The following AIRE variants were observed in gnomAD, a reference collection of about 807,000 sequenced individuals.
AIRE encodes autoimmune regulator, also known as autoimmune polyendocrinopathy candidiasis ectodermal dystrophy protein.
In AIRE, 52 loss-of-function variants were observed where a neutral mutation model predicts 62.1. The ratio of observed to expected loss-of-function variants is 0.84; its 90% CI spans 0.67 to 1.06. The LOEUF (loss-of-function observed/expected upper bound fraction) is 1.06. Among genes scored for constraint, AIRE ranks in the 50% least tolerant of loss-of-function variants. The pLI, the probability that AIRE is intolerant of heterozygous loss-of-function variation, is 0.00. For missense variants in AIRE, 774 were observed against 755.8 expected, an observed-to-expected ratio of 1.02 and a Z score of -0.28; for synonymous variants, 342 against 321.6, an observed-to-expected ratio of 1.06 and a Z score of -0.68.
chr21:44,297,547 CT>C lies in AIRE; in HGVS notation c.1567-106del. ...GGGCCTCGGGCCTCAGTTTCCCCAC[CT>C]TTGACTTAGAGGGAAGGTTGGATGG... On this transcript the variant is annotated intron_variant, in intron 13 of 13. Coordinates refer to ENST00000291582, the MANE Select transcript of AIRE (RefSeq NM_000383.4). This position sits in a 1 kb window ranked among gnomAD's most constrained non-coding sequence, Gnocchi z 4.8. 1 of 1,092,606 alleles carries C rather than the reference CT, an allele frequency of 9.2e-7. No homozygotes were observed. 67.7% of individuals were successfully genotyped at this position (1,092,606 alleles called of 1,614,324 possible).
In AIRE at chr21:44,287,812, G is replaced by C. The variant is rs2040498839; in HGVS notation, c.538+221G>C. ...GTCGCCCCTGCCCCCACTGCACCCT[G>C]GTTCTGGGACCCCCTTCTCAGGCAC... On this transcript the variant is annotated intron_variant, in intron 4 of 13. Coordinates refer to ENST00000291582, the MANE Select transcript of AIRE (RefSeq NM_000383.4). The surrounding 1 kb of genome is among the most constrained non-coding windows in gnomAD (Gnocchi z 4.3). Among the ~76,000 whole-genome samples, 1 of 152,086 alleles carries C rather than the reference G, an allele frequency of 6.6e-6. No individual in the cohort carries two copies. Among genetic ancestry groups the C allele is most frequent in the Admixed American group, 6.5e-5 (1 of 15,278 alleles).
At chr21:44,292,971 G>C in intron 9 of AIRE, 22 bp from the exon 10 acceptor site, 1 of 1,611,124 alleles carries the variant, frequency 6.2e-7, no homozygotes, top group African/African-American at 1.3e-5. Flanking sequence ...CTGCCCCTCT[G>C]ATGCTGACCC....
chr21:44,286,189 T>C lies in AIRE; in HGVS notation c.132+51T>C. 6.9e-7 allele frequency: 1 copy of C among 1,450,846 alleles called. No homozygotes were observed. Among genetic ancestry groups the C allele is most frequent in the South Asian group, 1.2e-5 (1 of 81,426 alleles). 89.9% of individuals were successfully genotyped at this position (1,450,846 alleles called of 1,614,324 possible). A position where few individuals can be genotyped will look rare whatever the true frequency, so the allele number is the denominator to read the frequency against. ...GCCCCCAGGCCCTGTGAGCCAGGGA[T>C]AGTCCCCGGGGAAGTTCCAGGAGGA... On this transcript the variant is annotated intron_variant, in intron 1 of 13. Coordinates refer to ENST00000291582, the MANE Select transcript of AIRE (RefSeq NM_000383.4). The surrounding 1 kb of genome is among the most constrained non-coding windows in gnomAD (Gnocchi z 6.0).
intron 7 of AIRE, chr21:44,290,548 C>T: frequency 1.0e-5 from 8 of 799,158 alleles, no homozygotes; most frequent in Non-Finnish European, 1.2e-5. Context: ...GCCAGTCCTG[C>T]CCTGCAGGAG....
In AIRE at chr21:44,297,782, C is replaced by T; in HGVS notation, c.*55C>T. On this transcript the variant is annotated 3_prime_UTR_variant, in exon 14 of 14. Coordinates refer to ENST00000291582, the MANE Select transcript of AIRE (RefSeq NM_000383.4). This position sits in a 1 kb window ranked among gnomAD's most constrained non-coding sequence, Gnocchi z 4.8. ...TGAGAGAGTGCTGAGAAGGACACCTCCTTCCTCAGTCCTGGAAGCCGGCCG... is the reference window on the plus strand; with the variant it reads ...TGAGAGAGTGCTGAGAAGGACACCTTCTTCCTCAGTCCTGGAAGCCGGCCG... The T allele has an allele frequency of 1.3e-6, 2 of 1,537,204 alleles. No homozygotes were observed. The highest frequency in any genetic ancestry group is 1.8e-6 in the Non-Finnish European group (2 of 1,114,248).
In AIRE at chr21:44,287,541, C is replaced by A. The variant is rs771592755; in HGVS notation, c.488C>A (p.Pro163His). Residue 163 changes from proline to histidine, a missense_variant, in exon 4 of 14, where the codon CCC becomes CAC. By Grantham distance (77) the Pro-to-His change is moderately conservative. Transcript: ENST00000291582. This position sits in a 1 kb window ranked among gnomAD's most constrained non-coding sequence, Gnocchi z 4.3. The part of the protein sequence containing the change: ...SPGSQLKAKP[P>H]KKPESSAEQQ... ...GGCTCTCAACTGAAGGCCAAGCCCCCCAAGAAGCCGGAGAGCAGCGCAGAG... is the reference window on the plus strand; with the variant it reads ...GGCTCTCAACTGAAGGCCAAGCCCCACAAGAAGCCGGAGAGCAGCGCAGAG... 16 of 1,558,592 alleles carry A rather than the reference C, an allele frequency of 1.0e-5. No homozygotes were observed. In the South Asian group the frequency reaches 1.5e-4, roughly 15 times the overall value.
intron 4 of AIRE, 35 bp from the exon 5 acceptor site, chr21:44,288,310 C>A: frequency 6.7e-7 from 1 of 1,490,230 alleles, no homozygotes; most frequent in Non-Finnish European, 9.4e-7. Context: ...ACAGTCTTCC[C>A]CACGGGTGAC....
In AIRE at chr21:44,287,281, C is replaced by T; in HGVS notation, c.463+148C>T. 1.0e-6 allele frequency: 1 copy of T among 959,270 alleles called. No individual in the cohort carries two copies. The highest frequency in any genetic ancestry group is 2.4e-5 in the Admixed American group (1 of 40,968). The allele number at this position is 959,270 out of a possible 1,614,324, so 59.4% of individuals were successfully genotyped here. On this transcript the variant is annotated intron_variant, in intron 3 of 13. Coordinates refer to ENST00000291582, the MANE Select transcript of AIRE (RefSeq NM_000383.4). The surrounding 1 kb of genome is among the most constrained non-coding windows in gnomAD (Gnocchi z 4.3). ...GTGGGGGTCTCCTCTGGGTACTAGACCCACACACTGGACCAGCCTCTCAGC... is the reference window on the plus strand; with the variant it reads ...GTGGGGGTCTCCTCTGGGTACTAGATCCACACACTGGACCAGCCTCTCAGC...
intron 12 of AIRE, 87 bp from the exon 13 acceptor site, chr21:44,296,296 C>A: frequency 8.3e-7 from 1 of 1,208,542 alleles, no homozygotes; most frequent in Non-Finnish European, 1.2e-6. Flanking sequence ...GGGGGAAACA[C>A]CCCCGCGGCC....
chr21:44,292,446 A>G (rs1474860133), intron 9 of AIRE, 45 bp downstream of exon 9: 2 of 1,363,804 alleles, frequency 1.5e-6, no homozygotes, highest in Admixed American at 2.0e-5. Context: ...TCCTGTCCAC[A>G]TGGCCACGCC....
In AIRE at chr21:44,292,996, C is replaced by T. The variant is rs950789600; in HGVS notation, c.1099C>T (p.Pro367Ser). ...GATGCTGACCCTTGGGTTCCAGCTC[C>T]CCCCGGGGCTTAGGTCGGCGGGAGA... ...PQEPPVETPL[P>S]PGLRSAGEEV... is the part of the protein sequence containing the mutation. Residue 367 changes from proline (P) to serine (S), a missense_variant, in exon 10 of 14, where the codon CCC becomes TCC. By Grantham distance (74) the Pro-to-Ser change is moderately conservative. Coordinates refer to ENST00000291582, the MANE Select transcript of AIRE (RefSeq NM_000383.4). The T allele has an allele frequency of 3.7e-6, 6 of 1,612,206 alleles. No individual in the cohort carries two copies. Among genetic ancestry groups the T allele is most frequent in the Middle Eastern group, 3.4e-4 (2 of 5,932 alleles).
Position 44,287,668 on chromosome 21 carries a change from C to G in AIRE, c.538+77C>G. ...GGTCAGGGGTCAGAGCAGGGCCTGCCCTCTGAGACCCTGTCCTAGGGGCTG... is the reference window on the plus strand; with the variant it reads ...GGTCAGGGGTCAGAGCAGGGCCTGCGCTCTGAGACCCTGTCCTAGGGGCTG... On this transcript the variant is annotated intron_variant, in intron 4 of 13. Transcript: ENST00000291582. This position sits in a 1 kb window ranked among gnomAD's most constrained non-coding sequence, Gnocchi z 4.3. 1 of 1,393,200 alleles carries G rather than the reference C, an allele frequency of 7.2e-7. No individual in the cohort carries two copies. Among genetic ancestry groups the G allele is most frequent in the Non-Finnish European group, 9.9e-7 (1 of 1,006,686 alleles). The allele number at this position is 1,393,200 out of a possible 1,614,324, so 86.3% of individuals were successfully genotyped here.
chr21:44,293,211 A>G, intron 10 of AIRE, 36 bp downstream of exon 10: 1 of 1,514,614 alleles, frequency 6.6e-7, no homozygotes, highest in South Asian at 1.2e-5. Context: ...GGGCTCTTCA[A>G]GGAGCCCAGG....
intron 12 of AIRE, 143 bp from the exon 13 acceptor site, chr21:44,296,240 C>CT: frequency 1.2e-6 from 1 of 827,046 alleles, no homozygotes; most frequent in Non-Finnish European, 2.1e-6. Flanking sequence ...CAGCCCTGTG[C>CT]CCCCACCCCC....
At chr21:44,289,895 T>TG in intron 6 of AIRE, 93 bp downstream of exon 6, 1 of 1,604,550 alleles carries the variant, frequency 6.2e-7, no homozygotes, top group Non-Finnish European at 8.5e-7. Flanking sequence ...TGCTGGGGGC[T>TG]GGGGGCTGCT....
chr21:44,289,504 G>A, intron 5 of AIRE, 153 bp from the exon 6 acceptor site: 3 of 931,596 alleles, frequency 3.2e-6, no homozygotes, highest in Non-Finnish European at 4.6e-6. Flanking sequence ...CAATCCCCGG[G>A]CCCCAGACTC....
chr21:44,293,656 AG>A, intron 10 of AIRE, 132 bp from the exon 11 acceptor site: 1 of 1,425,790 alleles, frequency 7.0e-7, no homozygotes, highest in African/African-American at 1.4e-5. Context: ...TGGCACCGTG[AG>A]GCTCCTCACT....
Position 44,286,716 on chromosome 21 carries a change from G to T in AIRE, c.292G>T (p.Asp98Tyr), listed in dbSNP as rs752236126. The T allele has an allele frequency of 6.2e-7, 1 of 1,612,948 alleles. No individual in the cohort carries two copies. Among genetic ancestry groups the T allele is most frequent in the Non-Finnish European group, 8.5e-7 (1 of 1,179,990 alleles). The change falls in exon 2 of 14, where the codon GAC (aspartate) becomes TAC (tyrosine). Residue 98 changes from aspartate to tyrosine, a missense_variant. By Grantham distance (160) the Asp-to-Tyr change is radical. Transcript: ENST00000291582. This position sits in a 1 kb window ranked among gnomAD's most constrained non-coding sequence, Gnocchi z 6.0. ...CTATGGCCGGCTGCAGCCCATCCTG[G>T]ACAGCTTCCCCAAAGGTGGGTCCTG... ...ERYGRLQPIL[D>Y]SFPKDVDLSQ... is the part of the protein sequence containing the mutation.
intron 10 of AIRE, 143 bp downstream of exon 10, chr21:44,293,318 GT>G: frequency 1.4e-6 from 1 of 738,474 alleles, no homozygotes; most frequent in Non-Finnish European, 2.1e-6. Context: ...TGGGGGGAGC[GT>G]GGGGGGCTGC....
Sources: gnomAD v4.1 joint callset for allele counts (sites outside exome capture counted in the v4.1 genomes callset) on GRCh38, gnomAD v4.1.1 for gene constraint, Gnocchi (gnomAD v3.1) non-coding constraint, MANE v1.5 for transcripts, NCBI Gene and HGNC (gene_info 2026-07-23, HGNC 2026-07-21) for gene names.